SLC9A9: variants seen among roughly 807,000 people sequenced by gnomAD.
The protein encoded by SLC9A9 is solute carrier family 9 member A9.
Under a neutral mutation model 77.8 loss-of-function variants are expected in SLC9A9, and 62 were observed. The observed-to-expected ratio is 0.80, with a 90% confidence interval of 0.65 to 0.98. SLC9A9 has a LOEUF of 0.98. SLC9A9 is among the 50% of genes least tolerant of loss of function. The pLI is 0.00. For synonymous variants in SLC9A9, 320 were observed against 283.5 expected, an observed-to-expected ratio of 1.13 and a Z score of -1.29; for missense variants, 775 against 774.9, an observed-to-expected ratio of 1.00 and a Z score of 0.00.
Position 143,266,715 on chromosome 3 carries a change from G to A in SLC9A9, c.1925C>T (p.Ser642Phe). 6.2e-7 allele frequency: 1 copy of A among 1,614,126 alleles called. No homozygotes were observed. Among genetic ancestry groups the A allele is most frequent in the Non-Finnish European group, 8.5e-7 (1 of 1,180,022 alleles). ...TCTTCATGCCAATTAATTCAACTGG[G>A]ATTGACCCAAAGTTTGCTCAAGCTT... ...ELKLEQTLGQ[S>F]QLN Residue 642 changes from serine (S) to phenylalanine (F), a missense_variant, in exon 16 of 16, where the codon TCC (serine) becomes TTC (phenylalanine). Ser to Phe is a radical substitution (Grantham distance 155). Transcript: ENST00000316549.
chr3:143,473,808 C>T (rs1003476659), intron 11 of SLC9A9, among the ~76,000 whole-genome samples: 19 of 152,330 alleles, frequency 1.2e-4, no homozygotes, highest in African/African-American at 4.6e-4. Context: ...TCTGTAAATG[C>T]TTTCAAATCG....
At chr3:143,363,302 T>C (rs1025956128) in intron 14 of SLC9A9, among the ~76,000 whole-genome samples, 182 bp downstream of exon 14, 1 of 152,254 alleles carries the variant, frequency 6.6e-6, no homozygotes, top group Non-Finnish European at 1.5e-5. Context: ...TCTGAAACAC[T>C]TAAGTATGGA....
chr3:143,730,610 T>C (rs1934776755), intron 4 of SLC9A9, among the ~76,000 whole-genome samples: 1 of 152,174 alleles, frequency 6.6e-6, no homozygotes, highest in Admixed American at 6.5e-5. Flanking sequence ...TCTTACATAT[T>C]CCTGTGTTAA....
At chr3:143,321,331 T>C (rs1324294681) in intron 14 of SLC9A9, among the ~76,000 whole-genome samples, 3 of 152,224 alleles carry the variant, frequency 2.0e-5, no homozygotes, top group African/African-American at 4.8e-5. Context: ...AGATTTATCA[T>C]AGTGGTAACA....
chr3:143,488,586 T>C (rs1418720171), intron 11 of SLC9A9, among the ~76,000 whole-genome samples: 1 of 151,984 alleles, frequency 6.6e-6, no homozygotes, highest in African/African-American at 2.4e-5. Flanking sequence ...TGCAATGTTG[T>C]GTACAACACG....
Position 143,652,290 on chromosome 3 carries a change from ACT to A in SLC9A9, c.718_719del (p.Ser240CysfsTer4), listed in dbSNP as rs1246506639. On this transcript the variant is annotated frameshift_variant, in exon 6 of 16. Coordinates refer to ENST00000316549, the MANE Select transcript of SLC9A9 (RefSeq NM_173653.4). LOFTEE classifies it high-confidence loss of function. ...PDLYTLLFGE[S>X]VLNDAVAIVL... ...CTATGGCCACTGCATCATTCAACAC[ACT>A]CTCTCCAAACAAGAGTGTGTACAGG... 1.9e-6 allele frequency: 3 copies of A among 1,613,072 alleles called. No homozygotes were observed. Among genetic ancestry groups the A allele is most frequent in the Non-Finnish European group, 2.5e-6 (3 of 1,179,690 alleles).
At chr3:143,387,213 G>A (rs1480101598) in intron 12 of SLC9A9, among the ~76,000 whole-genome samples, 1 of 152,110 alleles carries the variant, frequency 6.6e-6, no homozygotes, top group East Asian at 1.9e-4. Context: ...AAAAGAAGGT[G>A]TCTGAAGAGC....
At chr3:143,663,141 G>A (rs1224607906) in intron 5 of SLC9A9, among the ~76,000 whole-genome samples, 1 of 152,172 alleles carries the variant, frequency 6.6e-6, no homozygotes, top group Non-Finnish European at 1.5e-5. Flanking sequence ...TTGCTGTTCT[G>A]CAGCCTCCTC....
At chr3:143,575,192 G>A (rs2037337697) in intron 7 of SLC9A9, among the ~76,000 whole-genome samples, 1 of 152,178 alleles carries the variant, frequency 6.6e-6, no homozygotes, top group Non-Finnish European at 1.5e-5. Context: ...AATAATACCT[G>A]ATCCTACATG....
At chr3:143,590,424 A>G (rs1448114959) in intron 6 of SLC9A9, among the ~76,000 whole-genome samples, 1 of 152,230 alleles carries the variant, frequency 6.6e-6, no homozygotes, top group Admixed American at 6.5e-5. Flanking sequence ...CTAATAATAT[A>G]AAGGCATTTG....
intron 5 of SLC9A9, among the ~76,000 whole-genome samples, chr3:143,665,547 GT>G (rs915721763): frequency 4.0e-5 from 6 of 151,820 alleles, no homozygotes; most frequent in African/African-American, 7.3e-5. Context: ...CCAGGAGCTA[GT>G]TTTTTTTGAA....
chr3:143,336,631 A>G (rs2031932138), intron 14 of SLC9A9, among the ~76,000 whole-genome samples: 1 of 152,200 alleles, frequency 6.6e-6, no homozygotes, highest in South Asian at 2.1e-4. Context: ...TTCTAAATGA[A>G]ATCAGCCAGT....
At position 143,469,389 on chromosome 3, in the gene SLC9A9, AG is replaced by A; in HGVS notation, c.1316-2200del. 2.0e-5 allele frequency among the ~76,000 whole-genome samples: 3 copies of A among 152,348 alleles called. No homozygotes were observed. In the Middle Eastern group the frequency reaches 0.01, roughly 518 times the overall value. On this transcript the variant is annotated intron_variant, in intron 11 of 15. Coordinates refer to ENST00000316549, the MANE Select transcript of SLC9A9 (RefSeq NM_173653.4). ...CAAATAAAGATTTATAACGACACCT[AG>A]TATAAGCCAAAGAGGTAGTGATTTG...
At chr3:143,764,565 T>G (rs545463622) in intron 4 of SLC9A9, among the ~76,000 whole-genome samples, 1 of 152,238 alleles carries the variant, frequency 6.6e-6, no homozygotes, top group Admixed American at 6.5e-5. Context: ...TCATTATGTC[T>G]GGGTTTGTTT....
intron 9 of SLC9A9, among the ~76,000 whole-genome samples, chr3:143,540,061 A>T (rs2036660905): frequency 6.6e-6 from 1 of 152,118 alleles, no homozygotes; most frequent in Non-Finnish European, 1.5e-5. Context: ...TGAGAAAGAA[A>T]AATTAAGGGA....
chr3:143,329,781 G>T (rs1036709691), intron 14 of SLC9A9, among the ~76,000 whole-genome samples: 1 of 152,232 alleles, frequency 6.6e-6, no homozygotes, highest in Admixed American at 6.5e-5. Flanking sequence ...GGACCTGGGA[G>T]CCCAAGCCCC....
chr3:143,741,470 T>A (rs971996269), intron 4 of SLC9A9, among the ~76,000 whole-genome samples: 1 of 152,216 alleles, frequency 6.6e-6, no homozygotes, highest in African/African-American at 2.4e-5. Flanking sequence ...AAATGGATGG[T>A]AAGAGACAAA....
chr3:143,813,832 C>G (rs1225489087), intron 2 of SLC9A9, among the ~76,000 whole-genome samples: 1 of 152,056 alleles, frequency 6.6e-6, no homozygotes, highest in Admixed American at 6.6e-5. Context: ...AATGTATTAC[C>G]TAGTCAAAAA....
chr3:143,507,543 G>A (rs1000447608), intron 9 of SLC9A9, among the ~76,000 whole-genome samples: 2 of 152,138 alleles, frequency 1.3e-5, no homozygotes, highest in Admixed American at 1.3e-4. Context: ...CATTAGAGTT[G>A]TGCATTTGTT....
Sources: gnomAD v4.1 joint callset for allele counts (sites outside exome capture counted in the v4.1 genomes callset) on GRCh38, gnomAD v4.1.1 for gene constraint, MANE v1.5 for transcripts, NCBI Gene and HGNC (gene_info 2026-07-23, HGNC 2026-07-21) for gene names.